The following ULK4 variants were observed in gnomAD, a reference collection of about 807,000 sequenced individuals.
ULK4 encodes unc-51 like kinase 4.
In ULK4, 133 loss-of-function variants were observed where a neutral mutation model predicts 160.6. The ratio of observed to expected loss-of-function variants is 0.83; its 90% confidence interval spans 0.72 to 0.96. The LOEUF is 0.96. ULK4 is among the 40% of genes least tolerant of loss of function. The pLI is 0.00. For synonymous variants in ULK4, 534 were observed against 539.8 expected (o/e 0.99, Z 0.15); for missense variants, 1,580 against 1,499.5 (o/e 1.05, Z -0.89).
At chr3:41,812,087 C>T (rs536582217) in intron 19 of ULK4, among the ~76,000 whole-genome samples, 38 of 152,168 alleles carry the variant, frequency 2.5e-4, no homozygotes, top group African/African-American at 8.4e-4. Context: ...TAGTTCAATA[C>T]AAGCCTGGGC....
intron 22 of ULK4, among the ~76,000 whole-genome samples, chr3:41,734,640 G>A (rs1054748606): frequency 2.0e-5 from 3 of 152,190 alleles, no homozygotes; most frequent in Admixed American, 1.3e-4. Context: ...AGAGACTGAG[G>A]TGGGAAGAAA....
At chr3:41,314,793 ATCT>A (rs1271238249) in intron 35 of ULK4, among the ~76,000 whole-genome samples, 1 of 150,310 alleles carries the variant, frequency 6.7e-6, no homozygotes, top group Non-Finnish European at 1.5e-5. Flanking sequence ...TAAAGAATAT[ATCT>A]TCATTTGGTG....
intron 22 of ULK4, among the ~76,000 whole-genome samples, chr3:41,721,363 T>TATATATATATATA (rs1553639873): frequency 1.4e-4 from 4 of 28,632 alleles, no homozygotes; most frequent in African/African-American, 3.5e-4. Context: ...TATATATATA[T>TATATATATATATA]TTTTTTTTTT....
rs185551437 is a variant in ULK4 at position 41,715,354 on chromosome 3, A to T, written c.2578-61T>A. 1,048 of 1,328,130 alleles carry T rather than the reference A, an allele frequency of 7.9e-4. 7 individuals carry two copies. The highest frequency in any genetic ancestry group is 1.5e-4 in the Non-Finnish European group (147 of 960,614). 82.3% of individuals were successfully genotyped at this position (1,328,130 alleles called of 1,614,324 possible). ...AAGCTATGTACAACGTTAGCTCAAT[A>T]AAAAAAAAATGTTTTGAGTTGAGGA... is the stretch of plus-strand genomic sequence containing the variant. On this transcript the variant is annotated intron_variant, in intron 24 of 36. Coordinates refer to ENST00000301831, the MANE Select transcript of ULK4 (RefSeq NM_017886.4).
chr3:41,506,767 A>AAAAAAAAAAAAAAAAAAAAATATAT lies in ULK4; in HGVS notation c.3227-43515_3227-43514insATATATTTTTTTTTTTTTTTTTTTT. Among the ~76,000 whole-genome samples the AAAAAAAAAAAAAAAAAAAAATATAT allele has an allele frequency of 9.2e-4, 52 of 56,788 alleles. 9 individuals are homozygous for AAAAAAAAAAAAAAAAAAAAATATAT. Among genetic ancestry groups the AAAAAAAAAAAAAAAAAAAAATATAT allele is most frequent in the Non-Finnish European group, 1.2e-3 (38 of 31,980 alleles). 37.3% of individuals were successfully genotyped at this position (56,788 alleles called of 152,430 possible). A position where few individuals can be genotyped will look rare whatever the true frequency, so the allele number is the denominator to read the frequency against. ...AGCAATACACTGGAGTGTGATTTAAAATATATATATATATATATATATATA... is the reference window on the plus strand; with the variant it reads ...AGCAATACACTGGAGTGTGATTTAAAAAAAAAAAAAAAAAAAAAAATATATATATATATATATATATATATATATA... On this transcript the variant is annotated intron_variant, in intron 32 of 36. Transcript: ENST00000301831.
rs4016416 is a variant in ULK4, at chr3:41,353,699, TTACTACTACTACTACTAC to T, written c.3678+44362_3678+44379del. ...ATAATAATAATAATAATAATTACAA[TTACTACTACTACTACTAC>T]TACTACTACTACTACTACTACTACT... On this transcript the variant is annotated intron_variant, in intron 35 of 36. Transcript: ENST00000301831. Among the ~76,000 whole-genome samples, 349 of 143,952 alleles carry T rather than the reference TTACTACTACTACTACTAC, an allele frequency of 2.4e-3. 1 individual carries two copies. The East Asian group carries it at 0.027, about 11-fold the overall frequency. 94.4% of individuals were successfully genotyped at this position (143,952 alleles called of 152,430 possible).
At position 41,663,835 on chromosome 3, in the gene ULK4, T is replaced by TACC. The variant is rs148326474; in HGVS notation, c.2979-139_2979-137dup. The TACC allele has an allele frequency of 6.2e-3, 4,309 of 689,582 alleles. 139 individuals carry two copies. The East Asian group carries it at 0.072, about 12-fold the overall frequency. The allele number at this position is 689,582 out of a possible 1,614,324, so 42.7% of individuals were successfully genotyped here. ...CACACTAATAAAGATTTAAGTAATT[T>TACC]ACCTCTCATGTGCCCCTTCTCAGAA... On this transcript the variant is annotated intron_variant, in intron 29 of 36. Coordinates refer to ENST00000301831, the MANE Select transcript of ULK4 (RefSeq NM_017886.4).
intron 18 of ULK4, among the ~76,000 whole-genome samples, chr3:41,826,088 A>C (rs1362988992): frequency 1.3e-5 from 2 of 152,160 alleles, no homozygotes; most frequent in African/African-American, 4.8e-5. Context: ...GAAATAAAAT[A>C]CTTTACAGAC....
Position 41,539,133 on chromosome 3 carries a change from G to T in ULK4, c.3226+26892C>A, listed in dbSNP as rs1198326688. Among the ~76,000 whole-genome samples, 3 of 149,898 alleles carry T rather than the reference G, an allele frequency of 2.0e-5. No individual in the cohort carries two copies. The East Asian group carries it at 5.9e-4, about 29-fold the overall frequency. The stretch of plus-strand genomic sequence containing the variant: ...CTAAAATTCATCTGACATATTTATA[G>T]AAACAAATCCACATATAAGTGGAAT... On this transcript the variant is annotated intron_variant, in intron 32 of 36. Transcript: ENST00000301831.
At chr3:41,462,093 T>C (rs1217348909) in intron 33 of ULK4, among the ~76,000 whole-genome samples, 1 of 152,230 alleles carries the variant, frequency 6.6e-6, no homozygotes, top group Non-Finnish European at 1.5e-5. Context: ...ACTTAGTAAC[T>C]AATAATATTT....
chr3:41,516,540 TG>T (rs1340415434), intron 32 of ULK4, among the ~76,000 whole-genome samples: 2 of 152,122 alleles, frequency 1.3e-5, no homozygotes, highest in African/African-American at 4.8e-5. Flanking sequence ...ACAACATGGA[TG>T]GAACTGAAGG....
chr3:41,808,400 C>A (rs1250981981), intron 19 of ULK4, among the ~76,000 whole-genome samples: 1 of 152,158 alleles, frequency 6.6e-6, no homozygotes, highest in Non-Finnish European at 1.5e-5. Context: ...CATCCCAGTG[C>A]TCTGTAAACT....
chr3:41,479,528 G>C (rs913502033), intron 32 of ULK4, among the ~76,000 whole-genome samples: 62 of 152,316 alleles, frequency 4.1e-4, no homozygotes, highest in African/African-American at 1.4e-3. Flanking sequence ...GGACTTTGCA[G>C]ATCATCTGGA....
At chr3:41,597,495 T>C (rs2031771647) in intron 31 of ULK4, among the ~76,000 whole-genome samples, 1 of 152,116 alleles carries the variant, frequency 6.6e-6, no homozygotes, top group Non-Finnish European at 1.5e-5. Context: ...CCAGGTTGGG[T>C]CTTTTAGGCA....
intron 22 of ULK4, among the ~76,000 whole-genome samples, chr3:41,739,836 G>A (rs953692495): frequency 2.6e-5 from 4 of 151,848 alleles, no homozygotes; most frequent in Non-Finnish European, 4.4e-5. Context: ...CAAAAGGAAT[G>A]TTCCTCATAA....
At chr3:41,682,551 G>A (rs562531352) in intron 27 of ULK4, among the ~76,000 whole-genome samples, 16 of 152,300 alleles carry the variant, frequency 1.1e-4, no homozygotes, top group Middle Eastern at 3.4e-3. Context: ...ACATCTTGCC[G>A]TCCATACCAA....
At chr3:41,694,387 A>G (rs905089900) in intron 27 of ULK4, among the ~76,000 whole-genome samples, 1 of 152,198 alleles carries the variant, frequency 6.6e-6, no homozygotes, top group South Asian at 2.1e-4. Flanking sequence ...GGAGGTATAG[A>G]AAGCTATGGA....
At chr3:41,935,345 G>A (rs1053082752) in intron 4 of ULK4, among the ~76,000 whole-genome samples, 2 of 151,258 alleles carry the variant, frequency 1.3e-5, no homozygotes, top group African/African-American at 2.5e-5. Context: ...TCCTGCCTCA[G>A]CCTCTCAGAT....
chr3:41,608,108 T>C (rs2032474510), intron 31 of ULK4, among the ~76,000 whole-genome samples: 2 of 152,200 alleles, frequency 1.3e-5, no homozygotes, highest in Admixed American at 1.3e-4. Context: ...ATTGACTTTG[T>C]ATCAGTCTTT....
Sources: gnomAD v4.1 joint callset for allele counts (sites outside exome capture counted in the v4.1 genomes callset) on GRCh38, gnomAD v4.1.1 for gene constraint, MANE v1.5 for transcripts, NCBI Gene and HGNC (gene_info 2026-07-23, HGNC 2026-07-21) for gene names.